The following RNF216 variants were observed in gnomAD, a reference collection of about 807,000 sequenced individuals.
RNF216 encodes the protein ring finger protein 216, also known as E3 ubiquitin-protein ligase RNF216.
Under a neutral mutation model 110.8 loss-of-function variants are expected in RNF216, and 72 were observed. That is an observed-to-expected ratio of 0.65 (90% CI 0.54 to 0.79). The LOEUF is 0.79. Among genes scored for constraint, RNF216 ranks in the 30% least tolerant of loss-of-function variants. The pLI is 0.00. For synonymous variants in RNF216, 495 were observed against 407.5 expected, an observed-to-expected ratio of 1.21 and a Z score of -2.59; for missense variants, 1,342 against 1,141.2, an observed-to-expected ratio of 1.18 and a Z score of -2.54.
intron 13 of RNF216, among the ~76,000 whole-genome samples, chr7:5,658,328 A>G (rs2128582447): frequency 6.6e-6 from 1 of 152,310 alleles, no homozygotes; most frequent in African/African-American, 2.4e-5. Context: ...AAAGATTCCT[A>G]TTTTAATAAG....
rs142588801 is a variant in RNF216 at position 5,659,859 on chromosome 7, T to C, written c.2062-7349A>G. On this transcript the variant is annotated intron_variant, in intron 13 of 16. Transcript: ENST00000389902. Reference sequence around the variant, plus strand: ...GGGCAATAGCAGCACACCTGTACTTTTTTTGTTAAGAAGAAGAGAACCACA... The same window carrying C: ...GGGCAATAGCAGCACACCTGTACTTCTTTTGTTAAGAAGAAGAGAACCACA... 2.3e-4 allele frequency among the ~76,000 whole-genome samples: 35 copies of C among 152,296 alleles called. 1 individual carries two copies. The East Asian group carries it at 6.4e-3, about 28-fold the overall frequency.
intron 14 of RNF216, among the ~76,000 whole-genome samples, chr7:5,651,645 ATTCT>A (rs1052460694): frequency 1.4e-4 from 20 of 146,504 alleles, no homozygotes; most frequent in Non-Finnish European, 2.5e-4. Flanking sequence ...CGGTCATTGC[ATTCT>A]TTTTTTCTTT....
intron 13 of RNF216, among the ~76,000 whole-genome samples, chr7:5,681,670 TTC>T (rs1790660708): frequency 1.3e-5 from 2 of 152,322 alleles, no homozygotes; most frequent in African/African-American, 4.8e-5. Context: ...GGGGATAGTT[TTC>T]TGTCTGGTAT....
At chr7:5,693,236 G>A (rs940741904) in intron 13 of RNF216, among the ~76,000 whole-genome samples, 2 of 152,150 alleles carry the variant, frequency 1.3e-5, no homozygotes, top group Admixed American at 6.5e-5. Context: ...TTACTTTCAC[G>A]CTATAAAGGC....
rs1490492461 is a variant in RNF216, at chr7:5,696,726, C to G, written c.2061+15035G>C. Among the ~76,000 whole-genome samples the G allele has an allele frequency of 6.6e-6, 1 of 152,168 alleles. No individual in the cohort carries two copies. The highest frequency in any genetic ancestry group is 2.4e-5 in the African/African-American group (1 of 41,446). ...CCTTCAGGCCAAATCCCACCTAGGT[C>G]TTCTGGAAAATGGGAAAAGTAATCA... On this transcript the variant is annotated intron_variant, in intron 13 of 16. Transcript: ENST00000389902. This position sits in a 1 kb window ranked among gnomAD's most constrained non-coding sequence, Gnocchi z 5.4.
At chr7:5,677,545 T>C (rs1180600469) in intron 13 of RNF216, among the ~76,000 whole-genome samples, 1 of 152,238 alleles carries the variant, frequency 6.6e-6, no homozygotes, top group Non-Finnish European at 1.5e-5. Flanking sequence ...TGGCAAACCC[T>C]TACAAAGGGA....
Position 5,623,177 on chromosome 7 carries a change from T to A in RNF216, c.2455A>T (p.Asn819Tyr), listed in dbSNP as rs772857896. Residue 819 changes from asparagine to tyrosine, a missense_variant and splice_region_variant, in exon 17 of 17, where the codon AAC (asparagine) becomes TAC (tyrosine). Asn to Tyr is a moderately radical substitution (Grantham distance 143, BLOSUM62 -2). Transcript: ENST00000389902. ...GGGGGTCCAATGCGTTTGAAGGTGT[T>A]CTCTGAAAGGGATGTGGGGATTAGT... ...EEEQKRKNGE[N>Y]TFKRIGPPLE... The A allele has an allele frequency of 6.5e-7, 1 of 1,549,284 alleles. No homozygotes were observed. The highest frequency in any genetic ancestry group is 2.3e-5 in the East Asian group (1 of 44,018).
At chr7:5,629,613 C>A (rs78340435) in intron 15 of RNF216, among the ~76,000 whole-genome samples, 1 of 151,808 alleles carries the variant, frequency 6.6e-6, no homozygotes, top group Non-Finnish European at 1.5e-5. Context: ...CGGATCACGA[C>A]GTCAGGAGTT....
chr7:5,775,855 C>T (rs978719188), intron 1 of RNF216, among the ~76,000 whole-genome samples: 2 of 149,266 alleles, frequency 1.3e-5, no homozygotes, highest in East Asian at 2.0e-4. Flanking sequence ...GGTGACAGAG[C>T]GAGATTCCAT....
intron 1 of RNF216, among the ~76,000 whole-genome samples, chr7:5,774,781 G>A (rs549362704): frequency 3.6e-4 from 55 of 151,000 alleles, no homozygotes; most frequent in Non-Finnish European, 5.9e-4. Flanking sequence ...TTATTGAGAC[G>A]AAGTTTTGCT....
intron 13 of RNF216, among the ~76,000 whole-genome samples, chr7:5,673,735 G>A (rs1411315445): frequency 6.6e-6 from 1 of 152,080 alleles, no homozygotes; most frequent in Non-Finnish European, 1.5e-5. Flanking sequence ...AAATTAGCTG[G>A]GTGCAGTGGT....
At chr7:5,631,022 T>A (rs1211029429) in intron 15 of RNF216, among the ~76,000 whole-genome samples, 1 of 152,124 alleles carries the variant, frequency 6.6e-6, no homozygotes, top group African/African-American at 2.4e-5. Flanking sequence ...GCAACTGTTC[T>A]AAGGTGTGCT....
At chr7:5,659,078 C>A (rs971762874) in intron 13 of RNF216, among the ~76,000 whole-genome samples, 1 of 152,098 alleles carries the variant, frequency 6.6e-6, no homozygotes, top group African/African-American at 2.4e-5. Flanking sequence ...TGATGTAGGA[C>A]ACTAGCGAGA....
chr7:5,696,440 G>C lies in RNF216; in HGVS notation c.2061+15321C>G, dbSNP rs534823443. Among the ~76,000 whole-genome samples, 1 of 152,286 alleles carries C rather than the reference G, an allele frequency of 6.6e-6. No homozygotes were observed. The highest frequency in any genetic ancestry group is 1.9e-4 in the East Asian group (1 of 5,188). Reference sequence around the variant, plus strand: ...TTTCCTCCTTATGTAAAGCACCTGAGGACTAAAACAAATTCACTGGCCGGT... The same window carrying C: ...TTTCCTCCTTATGTAAAGCACCTGACGACTAAAACAAATTCACTGGCCGGT... On this transcript the variant is annotated intron_variant, in intron 13 of 16. Coordinates refer to ENST00000389902, the MANE Select transcript of RNF216 (RefSeq NM_207111.4). This position sits in a 1 kb window ranked among gnomAD's most constrained non-coding sequence, Gnocchi z 5.4.
At chr7:5,708,959 C>A (rs1584488273) in intron 13 of RNF216, among the ~76,000 whole-genome samples, 1 of 152,188 alleles carries the variant, frequency 6.6e-6, no homozygotes, top group African/African-American at 2.4e-5. Context: ...GTACAAACCA[C>A]CCAGCTTTCT....
rs1267721228 is a variant in RNF216 at position 5,772,050 on chromosome 7, A to G, written c.-70+9491T>C. On this transcript the variant is annotated intron_variant, in intron 1 of 16. Transcript: ENST00000389902. ...GGAGTTCGAGACCAGCCTGACCAAC[A>G]TGGAGAAACCCTGTCTCTACTAAAA... is the stretch of plus-strand genomic sequence containing the variant. Among the ~76,000 whole-genome samples, 13 of 152,160 alleles carry G rather than the reference A, an allele frequency of 8.5e-5. No homozygotes were observed. In the East Asian group the frequency reaches 2.3e-3, roughly 27 times the overall value.
At chr7:5,628,090 G>A (rs1263345909) in intron 15 of RNF216, among the ~76,000 whole-genome samples, 1 of 152,186 alleles carries the variant, frequency 6.6e-6, no homozygotes, top group Non-Finnish European at 1.5e-5. Context: ...TGGAGAGGAA[G>A]AGGGAGCCTC....
chr7:5,683,122 T>C (rs969425221), intron 13 of RNF216, among the ~76,000 whole-genome samples: 5 of 152,062 alleles, frequency 3.3e-5, no homozygotes, highest in Non-Finnish European at 7.4e-5. Context: ...TATAATTATA[T>C]GGTAAAAACA....
At chr7:5,639,476 T>A (rs1787600678) in intron 15 of RNF216, among the ~76,000 whole-genome samples, 1 of 152,146 alleles carries the variant, frequency 6.6e-6, no homozygotes, top group Non-Finnish European at 1.5e-5. Flanking sequence ...CCACATTTTT[T>A]TTTTTGAGAC....
Sources: gnomAD v4.1 joint callset for allele counts (sites outside exome capture counted in the v4.1 genomes callset) on GRCh38, gnomAD v4.1.1 for gene constraint, Gnocchi (gnomAD v3.1) non-coding constraint, MANE v1.5 for transcripts, NCBI Gene and HGNC (gene_info 2026-07-23, HGNC 2026-07-21) for gene names.